DMD: variants seen among roughly 807,000 people sequenced by gnomAD.
DMD encodes mutant dystrophin.
Under a neutral mutation model 330.1 loss-of-function variants are expected in DMD, and 63 were observed. That is an observed-to-expected ratio of 0.19 (90% CI 0.16 to 0.24). DMD has a LOEUF of 0.24. Among genes scored for constraint, DMD ranks in the 10% least tolerant of loss-of-function variants. The probability of loss-of-function intolerance (pLI) is 1.00; values close to 1 mark genes in which losing one functional copy is unlikely to be tolerated. For missense variants in DMD, 3,344 were observed against 2,684.1 expected (o/e 1.25, Z -5.43); for synonymous variants, 1,223 against 959.8 (o/e 1.27, Z -5.07).
At chrX:33,212,695 TA>T (rs2051964253), upstream of DMD, among the ~76,000 whole-genome samples, 1 of 111,874 alleles carries the variant, frequency 8.9e-6, no homozygotes, top group African/African-American at 3.2e-5. Context: ...TGTTTTAGAA[TA>T]TTATTGTCAT....
intron 53 of DMD, among the ~76,000 whole-genome samples, chrX:31,677,045 T>C (rs1351461523): frequency 2.2e-5 from 2 of 89,468 alleles, no homozygotes; most frequent in Admixed American, 1.4e-4. Context: ...TTTTATGATG[T>C]AGTTTTAGAC....
chrX:32,419,312 GCTTT>G (rs751848510), intron 29 of DMD, among the ~76,000 whole-genome samples: 35 of 112,050 alleles, frequency 3.1e-4, no homozygotes, highest in Non-Finnish European at 4.9e-4. Flanking sequence ...TCACTTTGTT[GCTTT>G]CTTTGTTTTC....
At chrX:32,549,713 C>A (rs751411191) in intron 16 of DMD, among the ~76,000 whole-genome samples, 1 of 111,383 alleles carries the variant, frequency 9.0e-6, no homozygotes, top group East Asian at 2.8e-4. Context: ...CATTTGCCAG[C>A]ATCCTGATAT....
chrX:31,742,869 T>C (rs1569327988), intron 51 of DMD, among the ~76,000 whole-genome samples: 1 of 111,618 alleles, frequency 9.0e-6, no homozygotes, highest in Non-Finnish European at 1.9e-5. Flanking sequence ...ACTAAAGAGC[T>C]CTTCACAGTG....
intron 43 of DMD, among the ~76,000 whole-genome samples, chrX:32,227,131 T>G (rs2097150593): frequency 1.9e-5 from 2 of 103,786 alleles, no homozygotes; most frequent in African/African-American, 3.5e-5. Context: ...ATAGCATTAT[T>G]TAAAAACAGA....
At chrX:32,100,804 A>T (rs1476637023) in intron 44 of DMD, among the ~76,000 whole-genome samples, 1 of 111,453 alleles carries the variant, frequency 9.0e-6, no homozygotes. Context: ...CCTTCTAAGC[A>T]TTCTGTTTTT....
At position 32,627,389 on chromosome X, in the gene DMD, A is replaced by C. The variant is rs746151519; in HGVS notation, c.1332-12936T>G. On this transcript the variant is annotated intron_variant, in intron 11 of 78. Transcript: ENST00000357033. ...TATGTACCCCCAGAAATTACAAATA[A>C]AAAAGAAGACTTACTAAAGAGTAAT... Among the ~76,000 whole-genome samples, 180 of 105,149 alleles carry C rather than the reference A, an allele frequency of 1.7e-3. 33 individuals carry two copies. Among genetic ancestry groups the C allele is most frequent in the African/African-American group, 7.0e-3 (173 of 24,846 alleles). The allele number at this position is 105,149 out of a possible 115,157, so 91.3% of individuals were successfully genotyped here. A position where few individuals can be genotyped will look rare whatever the true frequency, so the allele number is the denominator to read the frequency against.
intron 2 of DMD, among the ~76,000 whole-genome samples, chrX:32,975,346 C>CTTTT (rs35180404): frequency 5.4e-4 from 35 of 64,762 alleles, no homozygotes; most frequent in African/African-American, 1.7e-3. Context: ...TTAAAAAATG[C>CTTTT]TTTTTTTTTT....
intron 44 of DMD, among the ~76,000 whole-genome samples, chrX:32,061,072 A>AC (rs1406725152): frequency 9.0e-6 from 1 of 111,285 alleles, no homozygotes; most frequent in Non-Finnish European, 1.9e-5. Context: ...TTCTTGAACC[A>AC]CTTCTCTACA....
intron 43 of DMD, among the ~76,000 whole-genome samples, chrX:32,223,986 A>C (rs1467930384): frequency 8.9e-6 from 1 of 111,866 alleles, no homozygotes; most frequent in Non-Finnish European, 1.9e-5. Flanking sequence ...GAATATTGCC[A>C]GCAGGCCACA....
intron 42 of DMD, among the ~76,000 whole-genome samples, chrX:32,306,641 C>A (rs1352071075): frequency 9.1e-6 from 1 of 110,357 alleles, no homozygotes. Context: ...CCATTTATTT[C>A]CTCCTTGTTT....
chrX:32,616,541 G>A (rs1409169813), intron 11 of DMD, among the ~76,000 whole-genome samples: 1 of 110,198 alleles, frequency 9.1e-6, no homozygotes, highest in Non-Finnish European at 1.9e-5. Context: ...TGGCTTCTTT[G>A]ACACATCCCA....
chrX:33,126,067 C>T (rs867276524), intron 1 of DMD, among the ~76,000 whole-genome samples: 103 of 108,530 alleles, frequency 9.5e-4, no homozygotes, highest in African/African-American at 3.3e-3. Flanking sequence ...TGAGGTTTTA[C>T]GTATTTGAGA....
intron 12 of DMD, among the ~76,000 whole-genome samples, chrX:32,603,964 A>T (rs2056450783): frequency 9.0e-6 from 1 of 111,371 alleles, no homozygotes; most frequent in Admixed American, 9.6e-5. Context: ...GTTGCAAAAT[A>T]TCAAACAAGA....
At chrX:31,616,117 G>A (rs921878407) in intron 55 of DMD, among the ~76,000 whole-genome samples, 6 of 111,095 alleles carry the variant, frequency 5.4e-5, no homozygotes, top group Admixed American at 1.9e-4. Flanking sequence ...TCAGGCAGTC[G>A]GGCTTCAAAG....
intron 46 of DMD, 112 bp downstream of exon 46, chrX:31,931,968 C>T: frequency 1.1e-6 from 1 of 910,908 alleles, no homozygotes; most frequent in South Asian, 2.2e-5. Context: ...AACACTTTAG[C>T]AAGGAACTAT....
At chrX:31,737,323 G>A (rs1039906945) in intron 51 of DMD, among the ~76,000 whole-genome samples, 1 of 112,639 alleles carries the variant, frequency 8.9e-6, no homozygotes, top group Non-Finnish European at 1.9e-5. Context: ...GATATGAAAC[G>A]AGAATACAAA....
At chrX:32,596,929 C>T (rs1474955589) in intron 12 of DMD, among the ~76,000 whole-genome samples, 1 of 111,448 alleles carries the variant, frequency 9.0e-6, no homozygotes, top group Non-Finnish European at 1.9e-5. Context: ...TTTATAAAAA[C>T]CAATAGATTT....
intron 7 of DMD, among the ~76,000 whole-genome samples, chrX:32,730,596 A>T (rs2067464377): frequency 1.8e-5 from 2 of 112,160 alleles, no homozygotes; most frequent in Non-Finnish European, 1.9e-5. Context: ...AATAAGCTTA[A>T]AGTAGTAAGA....
Sources: gnomAD v4.1 joint callset for allele counts (sites outside exome capture counted in the v4.1 genomes callset) on GRCh38, gnomAD v4.1.1 for gene constraint, MANE v1.5 for transcripts, NCBI Gene and HGNC (gene_info 2026-07-23, HGNC 2026-07-21) for gene names.